TMEM272: variants seen among roughly 807,000 people sequenced by gnomAD.
TMEM272 encodes long intergenic non-protein coding RNA 282.
A neutral mutation model predicts 3.7 loss-of-function variants in TMEM272; 8 were observed. That is an observed-to-expected ratio of 2.17 (90% CI 1.27 to 3.91). The LOEUF is 3.91. Among genes scored for constraint, TMEM272 ranks in the 30% most tolerant of loss-of-function variants. The probability of loss-of-function intolerance (pLI) is 0.00; values close to 1 mark genes in which losing one functional copy is unlikely to be tolerated. For missense variants in TMEM272, 166 were observed against 91.5 expected (o/e 1.81, Z -3.32); for synonymous variants, 63 against 39.8 (o/e 1.58, Z -2.20).
chr13:51,918,630 TTTAG>T, the TMEM272 span, among the ~76,000 whole-genome samples: 27 of 152,056 alleles, frequency 1.8e-4, no homozygotes, highest in Non-Finnish European at 2.9e-4. Context: ...TTTTTATTTA[TTTAG>T]TTAGTCTTTG....
chr13:51,882,108 T>C, the TMEM272 span, among the ~76,000 whole-genome samples: 1 of 152,254 alleles, frequency 6.6e-6, no homozygotes, highest in African/African-American at 2.4e-5. Flanking sequence ...GAACCACGTA[T>C]GTCTATGATC....
At chr13:51,872,006 C>T in the TMEM272 span, among the ~76,000 whole-genome samples, 2 of 152,240 alleles carry the variant, frequency 1.3e-5, no homozygotes, top group Non-Finnish European at 2.9e-5. Context: ...TGGGGACTCG[C>T]CCATGCACAC....
intron 1 of TMEM272, among the ~76,000 whole-genome samples, chr13:51,840,900 G>C (rs765266314): frequency 6.6e-6 from 1 of 152,194 alleles, no homozygotes; most frequent in African/African-American, 2.4e-5. Flanking sequence ...GGATTCTACC[G>C]ATCAAGGTGA....
chr13:51,891,677 G>T, the TMEM272 span, among the ~76,000 whole-genome samples: 1 of 152,194 alleles, frequency 6.6e-6, no homozygotes, highest in Non-Finnish European at 1.5e-5. Flanking sequence ...GAAGGATTCC[G>T]CAGGGGTGGG....
intron 2 of TMEM272, among the ~76,000 whole-genome samples, chr13:51,834,297 G>A (rs1408572993): frequency 6.6e-6 from 1 of 152,172 alleles, no homozygotes; most frequent in East Asian, 1.9e-4. Context: ...TGCACAAAGG[G>A]TGTGTAGAGG....
intron 2 of TMEM272, among the ~76,000 whole-genome samples, chr13:51,826,956 C>A (rs763552554): frequency 9.2e-5 from 14 of 152,308 alleles, no homozygotes; most frequent in African/African-American, 3.4e-4. Context: ...CAGAAGCTGC[C>A]GGCATCCACT....
chr13:51,892,565 C>A, the TMEM272 span, among the ~76,000 whole-genome samples: 1 of 152,170 alleles, frequency 6.6e-6, no homozygotes, highest in African/African-American at 2.4e-5. Context: ...TGGTAATACA[C>A]CAGCTCCACC....
At chr13:51,870,572 C>G in the TMEM272 span, among the ~76,000 whole-genome samples, 7 of 152,128 alleles carry the variant, frequency 4.6e-5, no homozygotes, top group Admixed American at 3.3e-4. Flanking sequence ...TTTTAAAAAT[C>G]AGAAATCCAC....
In TMEM272 at chr13:51,821,933, C is replaced by T. The variant is rs77994192; in HGVS notation, c.201+122G>A. Reference sequence around the variant, plus strand: ...GGAGCTAGCCCCATCACTTCAGCAACCACGCTTAGGGGGAAGTTGTTTTGT... The same window carrying T: ...GGAGCTAGCCCCATCACTTCAGCAATCACGCTTAGGGGGAAGTTGTTTTGT... On this transcript the variant is annotated intron_variant, in intron 4 of 4. Transcript: ENST00000629372. 2,895 of 685,980 alleles carry T rather than the reference C, an allele frequency of 4.2e-3. 11 individuals are homozygous for T. The highest frequency in any genetic ancestry group is 6.1e-3 in the Non-Finnish European group (2,313 of 377,876). 42.5% of individuals were successfully genotyped at this position (685,980 alleles called of 1,614,324 possible).
At chr13:51,928,672 G>A in the TMEM272 span, among the ~76,000 whole-genome samples, 1 of 152,268 alleles carries the variant, frequency 6.6e-6, no homozygotes, top group East Asian at 1.9e-4. Flanking sequence ...TGAGAAAATA[G>A]AGGTCTGGAG....
At chr13:51,925,176 C>G in the TMEM272 span, among the ~76,000 whole-genome samples, 1 of 152,188 alleles carries the variant, frequency 6.6e-6, no homozygotes, top group Admixed American at 6.5e-5. Context: ...AACTCCACTG[C>G]CTTCGTCTAG....
At chr13:51,839,118 T>C (rs1030933655) in intron 1 of TMEM272, among the ~76,000 whole-genome samples, 2 of 151,896 alleles carry the variant, frequency 1.3e-5, no homozygotes, top group African/African-American at 4.8e-5. Flanking sequence ...AGAGGAACCA[T>C]GGACTTGACC....
chr13:51,844,098 T>G (rs1387006001), intron 1 of TMEM272, among the ~76,000 whole-genome samples: 1 of 151,680 alleles, frequency 6.6e-6, no homozygotes, highest in African/African-American at 2.4e-5. Flanking sequence ...GGACTAGGTC[T>G]GAGAAACTTT....
chr13:51,848,420 ATAG>A (rs1956317049), upstream of TMEM272, among the ~76,000 whole-genome samples: 1 of 152,206 alleles, frequency 6.6e-6, no homozygotes, highest in African/African-American at 2.4e-5. Context: ...AGGGGAGATG[ATAG>A]TAGAATTGAG....
chr13:51,880,667 C>A, the TMEM272 span, among the ~76,000 whole-genome samples: 11 of 152,276 alleles, frequency 7.2e-5, no homozygotes, highest in African/African-American at 2.4e-4. Flanking sequence ...AAGGAAAAAT[C>A]TAGAAGTTGA....
chr13:51,890,391 T>C, the TMEM272 span, among the ~76,000 whole-genome samples: 23 of 152,114 alleles, frequency 1.5e-4, 1 homozygote, highest in South Asian at 4.8e-3. Context: ...GAGCCTCTCA[T>C]CTCCCTCCCC....
the TMEM272 span, among the ~76,000 whole-genome samples, chr13:51,877,174 C>T: frequency 6.6e-6 from 1 of 152,216 alleles, no homozygotes; most frequent in Non-Finnish European, 1.5e-5. Flanking sequence ...CTGAAGGCCT[C>T]TTCCCATCCC....
At chr13:51,915,192 T>G in the TMEM272 span, among the ~76,000 whole-genome samples, 1 of 152,376 alleles carries the variant, frequency 6.6e-6, no homozygotes, top group East Asian at 1.9e-4. Context: ...ACTTTTCATC[T>G]GGCTATGATT....
the TMEM272 span, among the ~76,000 whole-genome samples, chr13:51,926,613 G>C: frequency 6.7e-6 from 1 of 150,222 alleles, no homozygotes; most frequent in Non-Finnish European, 1.5e-5. Flanking sequence ...GGTTGGGGGT[G>C]GGGGGGGTGG....
Sources: allele counts gnomAD v4.1 joint callset (sites outside exome capture counted in the v4.1 genomes callset), GRCh38; gene constraint gnomAD v4.1.1; transcripts MANE v1.5; gene names NCBI Gene and HGNC (gene_info 2026-07-23, HGNC 2026-07-21).